Variants in OR2L13 observed in about 807,000 individuals in gnomAD.
OR2L13 encodes olfactory receptor 2L13.
OR2L13 carries 14 observed loss-of-function variants against 15.3 expected under a neutral mutation model. That is an observed-to-expected ratio of 0.91 (90% CI 0.60 to 1.43). The LOEUF (loss-of-function observed/expected upper bound fraction) is 1.43, where lower values mean the gene tolerates loss of function less well. Among genes scored for constraint, OR2L13 ranks in the 40% most tolerant of loss-of-function variants. The probability of loss-of-function intolerance (pLI) is 0.00; values close to 1 mark genes in which losing one functional copy is unlikely to be tolerated. For synonymous variants in OR2L13, 152 were observed against 142.9 expected (o/e 1.06, Z -0.45); for missense variants, 367 against 387.9 (o/e 0.95, Z 0.45).
the OR2L13 span, among the ~76,000 whole-genome samples, chr1:247,984,257 T>TTATTG: frequency 7.8e-6 from 1 of 128,256 alleles, no homozygotes; most frequent in African/African-American, 3.7e-5. Context: ...TATTATTATT[T>TTATTG]TTAAATGAGG....
chr1:248,099,762 C>T (rs752534915), exon 3 of OR2L13: 41 of 1,614,160 alleles, frequency 2.5e-5, no homozygotes, highest in Non-Finnish European at 3.5e-5. Context: ...GCCACTCTCT[C>T]TATTATCCTA....
chr1:247,962,210 A>G, the OR2L13 span, among the ~76,000 whole-genome samples: 3 of 152,258 alleles, frequency 2.0e-5, no homozygotes, highest in Non-Finnish European at 4.4e-5. Context: ...TATGAATTCT[A>G]TAATTGTAAA....
At chr1:248,061,064 C>T in the OR2L13 span, 4 of 1,614,120 alleles carry the variant, frequency 2.5e-6, no homozygotes, top group Admixed American at 1.7e-5. Context: ...ATTTGCTTTC[C>T]TCTTCACTAT....
chr1:248,080,488 T>A, the OR2L13 span, among the ~76,000 whole-genome samples: 1 of 152,204 alleles, frequency 6.6e-6, no homozygotes, highest in Non-Finnish European at 1.5e-5. Flanking sequence ...CCATGTGTCC[T>A]CATTCTTCAA....
chr1:248,038,102 TA>T, the OR2L13 span: 2 of 532,630 alleles, frequency 3.8e-6, no homozygotes, highest in African/African-American at 1.9e-5. Flanking sequence ...TTAAAGTTTA[TA>T]ATATGCATTT....
the OR2L13 span, among the ~76,000 whole-genome samples, chr1:247,961,576 A>G: frequency 6.6e-6 from 1 of 152,178 alleles, no homozygotes; most frequent in Non-Finnish European, 1.5e-5. Flanking sequence ...GACCATGGAT[A>G]ATATACAAGG....
chr1:248,062,502 A>G, the OR2L13 span: 18,973 of 152,170 alleles, frequency 0.12, 3,975 homozygotes, highest in African/African-American at 0.43. Flanking sequence ...CTCCTATGCG[A>G]GAGCTAGAAT....
chr1:248,098,345 A>G (rs1572744302), intron 1 of OR2L13, among the ~76,000 whole-genome samples: 1 of 152,206 alleles, frequency 6.6e-6, no homozygotes, highest in African/African-American at 2.4e-5. Flanking sequence ...TGAATGTATC[A>G]TAATGATGGT....
the OR2L13 span, among the ~76,000 whole-genome samples, chr1:248,002,907 C>T: frequency 6.6e-5 from 10 of 151,388 alleles, no homozygotes; most frequent in Non-Finnish European, 1.3e-4. Flanking sequence ...TTGTTTGGAA[C>T]TGTTTCAGAA....
At chr1:247,957,088 A>T in the OR2L13 span, among the ~76,000 whole-genome samples, 8 of 152,236 alleles carry the variant, frequency 5.3e-5, no homozygotes, top group African/African-American at 1.2e-4. Context: ...AGTTTGTCAT[A>T]GATAGCTCTT....
the OR2L13 span, among the ~76,000 whole-genome samples, chr1:248,054,034 T>C: frequency 6.6e-6 from 1 of 152,324 alleles, no homozygotes; most frequent in Middle Eastern, 3.4e-3. Flanking sequence ...TCCTTTCCCA[T>C]GCCTACTTCC....
At chr1:248,022,482 G>A in the OR2L13 span, 10 of 1,613,996 alleles carry the variant, frequency 6.2e-6, no homozygotes, top group South Asian at 9.9e-5. Context: ...TTTTTTCTGT[G>A]ATGTTCCAGC....
chr1:247,998,224 G>C, the OR2L13 span, among the ~76,000 whole-genome samples: 2,343 of 152,228 alleles, frequency 0.015, 59 homozygotes, highest in African/African-American at 0.053. Flanking sequence ...TAACACGTCA[G>C]CAGAAATCTT....
chr1:248,061,919 T>G, the OR2L13 span: 7 of 239,600 alleles, frequency 2.9e-5, no homozygotes, highest in South Asian at 5.7e-4. Context: ...TTGGTCTAAC[T>G]GAAGTTGGCA....
At chr1:247,967,032 A>AACTCACC in the OR2L13 span, among the ~76,000 whole-genome samples, 1,817 of 71,716 alleles carry the variant, frequency 0.025, 27 homozygotes, top group African/African-American at 0.06. Context: ...TGTGCATGCA[A>AACTCACC]ACACACCACA....
chr1:247,948,855 T>C, the OR2L13 span: 32 of 1,596,758 alleles, frequency 2.0e-5, no homozygotes, highest in East Asian at 4.5e-5. Flanking sequence ...GTAGGAATGC[T>C]CCATGGAAAA....
chr1:248,043,860 A>G, the OR2L13 span, among the ~76,000 whole-genome samples: 2 of 152,174 alleles, frequency 1.3e-5, no homozygotes. Context: ...GTGCTCTGCT[A>G]CTAGGGTTTG....
the OR2L13 span, among the ~76,000 whole-genome samples, chr1:247,997,947 G>A: frequency 6.6e-6 from 1 of 152,066 alleles, no homozygotes; most frequent in Non-Finnish European, 1.5e-5. Context: ...GTGTAGGGAT[G>A]ATGAATGAAT....
the OR2L13 span, among the ~76,000 whole-genome samples, chr1:248,076,093 T>A: frequency 1.3e-5 from 2 of 152,064 alleles, no homozygotes; most frequent in African/African-American, 4.8e-5. Flanking sequence ...AGCACCATTT[T>A]TAAATAGGGA....
Sources: allele counts gnomAD v4.1 joint callset (sites outside exome capture counted in the v4.1 genomes callset), GRCh38; gene constraint gnomAD v4.1.1; transcripts MANE v1.5; gene names NCBI Gene and HGNC (gene_info 2026-07-23, HGNC 2026-07-21).